STAB2: variants seen among roughly 807,000 people sequenced by gnomAD.
STAB2 encodes the protein stabilin 2, also known as stabilin-2.
A neutral mutation model predicts 338.1 loss-of-function variants in STAB2; 288 were observed. The ratio of observed to expected loss-of-function variants is 0.85; its 90% confidence interval spans 0.77 to 0.94. The LOEUF (loss-of-function observed/expected upper bound fraction) is 0.94. Ranked by LOEUF, STAB2 falls within the 40% of genes least tolerant of loss-of-function variation. The pLI is 0.00. For synonymous variants in STAB2, 1,202 were observed against 1,193.3 expected (o/e 1.01, Z -0.15); for missense variants, 3,141 against 3,210.1 (o/e 0.98, Z 0.52).
chr12:103,698,405 C>G (rs1566024675), intron 33 of STAB2, among the ~76,000 whole-genome samples: 1 of 152,036 alleles, frequency 6.6e-6, no homozygotes, highest in African/African-American at 2.4e-5. Context: ...GAAGAGACAT[C>G]AAGAGGGTAA....
At chr12:103,602,968 A>G (rs1451542762) in intron 3 of STAB2, among the ~76,000 whole-genome samples, 3 of 152,224 alleles carry the variant, frequency 2.0e-5, no homozygotes, top group African/African-American at 7.2e-5. Context: ...GACCAACCTC[A>G]TATCACAAAG....
intron 33 of STAB2, among the ~76,000 whole-genome samples, chr12:103,697,217 A>G (rs1269075490): frequency 6.6e-6 from 1 of 152,086 alleles, no homozygotes; most frequent in Non-Finnish European, 1.5e-5. Flanking sequence ...ATGTATCCCC[A>G]ATAGGATGAA....
intron 34 of STAB2, among the ~76,000 whole-genome samples, chr12:103,700,340 G>T (rs1448657968): frequency 6.6e-6 from 1 of 152,132 alleles, no homozygotes; most frequent in African/African-American, 2.4e-5. Flanking sequence ...TTTAATCACA[G>T]AACTTTTTAA....
intron 24 of STAB2, 138 bp downstream of exon 24, chr12:103,676,159 T>C: frequency 1.1e-5 from 6 of 536,160 alleles, no homozygotes; most frequent in Non-Finnish European, 1.6e-5. Context: ...CCTCCCGGAT[T>C]CAAGCGATTC....
At chr12:103,655,698 A>T (rs1329119392) in intron 15 of STAB2, 117 bp downstream of exon 15, 11 of 1,254,964 alleles carry the variant, frequency 8.8e-6, no homozygotes, top group Non-Finnish European at 1.2e-5. Context: ...ATCACCACCT[A>T]CCCTCCAACA....
intron 24 of STAB2, among the ~76,000 whole-genome samples, chr12:103,676,810 G>T (rs1022807297): frequency 6.6e-6 from 1 of 152,174 alleles, no homozygotes. Context: ...CAGCCAGAGT[G>T]GCTTGAAGTG....
chr12:103,678,175 G>A (rs762843420), intron 25 of STAB2, among the ~76,000 whole-genome samples: 1 of 152,192 alleles, frequency 6.6e-6, no homozygotes, highest in Non-Finnish European at 1.5e-5. Flanking sequence ...AGAACACACG[G>A]AAGATGGGAA....
intron 48 of STAB2, among the ~76,000 whole-genome samples, chr12:103,729,703 T>G (rs1881482211): frequency 6.6e-6 from 1 of 152,174 alleles, no homozygotes; most frequent in African/African-American, 2.4e-5. Context: ...TGGGAAGGTT[T>G]GAAAGCTTTT....
intron 3 of STAB2, among the ~76,000 whole-genome samples, chr12:103,609,446 G>A (rs1443641986): frequency 6.6e-6 from 1 of 152,152 alleles, no homozygotes; most frequent in African/African-American, 2.4e-5. Context: ...TCTCTTTGAA[G>A]CAATTGTGAA....
At chr12:103,723,528 G>A (rs1447962552) in intron 44 of STAB2, among the ~76,000 whole-genome samples, 8 of 152,226 alleles carry the variant, frequency 5.3e-5, no homozygotes, top group Non-Finnish European at 1.0e-4. Context: ...GGGAACACAG[G>A]CAAACCGTAA....
At position 103,652,829 on chromosome 12, in the gene STAB2, T is replaced by C. The variant is rs1873846137; in HGVS notation, c.1407+124T>C. On this transcript the variant is annotated intron_variant, in intron 12 of 68. Coordinates refer to ENST00000388887, the MANE Select transcript of STAB2 (RefSeq NM_017564.10). Reference sequence around the variant, plus strand: ...ACAAGGAAATTCTTTCCTCATGTATTATTTGTCAAACACCTTATATAGGAA... The same window carrying C: ...ACAAGGAAATTCTTTCCTCATGTATCATTTGTCAAACACCTTATATAGGAA... 2.4e-5 allele frequency: 28 copies of C among 1,164,142 alleles called. No homozygotes were observed. In the South Asian group the frequency reaches 5.1e-4, roughly 21 times the overall value. The allele number at this position is 1,164,142 out of a possible 1,614,324, so 72.1% of individuals were successfully genotyped here.
chr12:103,742,277 T>C (rs1218906088), intron 55 of STAB2, 128 bp from the exon 56 acceptor site: 2 of 1,240,668 alleles, frequency 1.6e-6, no homozygotes, highest in Non-Finnish European at 1.1e-6. Flanking sequence ...GCCTTAAATA[T>C]CCACTGACAC....
At chr12:103,655,413 C>T in intron 14 of STAB2, 43 bp from the exon 15 acceptor site, 3 of 1,611,086 alleles carry the variant, frequency 1.9e-6, no homozygotes, top group Non-Finnish European at 2.5e-6. Context: ...AAATATTTGT[C>T]CAAGGTAGGC....
chr12:103,654,957 A>G, intron 13 of STAB2: 1 of 537,462 alleles, frequency 1.9e-6, no homozygotes, highest in Non-Finnish European at 3.2e-6. Flanking sequence ...CAGGCAACTC[A>G]GTCCATGACC....
At chr12:103,703,329 T>C (rs529200514) in intron 35 of STAB2, 53 bp downstream of exon 35, 320 of 1,585,648 alleles carry the variant, frequency 2.0e-4, no homozygotes, top group Non-Finnish European at 2.6e-4. Context: ...TTGGCTTTTT[T>C]TTATATAATT....
chr12:103,732,264 GCAC>G (rs1566056403), intron 50 of STAB2, among the ~76,000 whole-genome samples: 1 of 152,070 alleles, frequency 6.6e-6, no homozygotes, highest in Non-Finnish European at 1.5e-5. Context: ...AGCTGAGATC[GCAC>G]CACTGCACTC....
intron 57 of STAB2, 100 bp downstream of exon 57, chr12:103,745,377 A>T: frequency 9.1e-7 from 1 of 1,100,554 alleles, no homozygotes; most frequent in Non-Finnish European, 1.3e-6. Context: ...CATCTGAAAA[A>T]AGTGACAAAG....
chr12:103,655,448 A>G lies in STAB2; in HGVS notation c.1609-8A>G, dbSNP rs1874106428. The stretch of plus-strand genomic sequence containing the variant: ...CTGCAGATACAAAATTTCATTTCCC[A>G]AATGCAGGAAACCAATTTGGGACAT... On this transcript the variant is annotated splice_polypyrimidine_tract_variant and splice_region_variant and intron_variant, in intron 14 of 68. Coordinates refer to ENST00000388887, the MANE Select transcript of STAB2 (RefSeq NM_017564.10). The G allele has an allele frequency of 6.2e-7, 1 of 1,613,522 alleles. No homozygotes were observed. Among genetic ancestry groups the G allele is most frequent in the Non-Finnish European group, 8.5e-7 (1 of 1,179,788 alleles).
At chr12:103,604,660 C>T (rs1957001226) in intron 3 of STAB2, among the ~76,000 whole-genome samples, 4 of 151,868 alleles carry the variant, frequency 2.6e-5, no homozygotes, top group Admixed American at 2.6e-4. Flanking sequence ...TCATAATATT[C>T]ATTTATTATC....
Sources: gnomAD v4.1 joint callset for allele counts (sites outside exome capture counted in the v4.1 genomes callset) on GRCh38, gnomAD v4.1.1 for gene constraint, MANE v1.5 for transcripts, NCBI Gene and HGNC (gene_info 2026-07-23, HGNC 2026-07-21) for gene names.